The following FBXL13 variants were observed in gnomAD, a reference collection of about 807,000 sequenced individuals.
FBXL13 encodes F-box and leucine rich repeat protein 13, also known as F-box and leucine-rich repeat protein 13.
In FBXL13, 67 loss-of-function variants were observed where a neutral mutation model predicts 83.6. That is an observed-to-expected ratio of 0.80 (90% CI 0.66 to 0.98). The LOEUF is 0.98. Ranked by LOEUF, FBXL13 falls within the 50% of genes least tolerant of loss-of-function variation. FBXL13 has a pLI of 0.00. For synonymous variants in FBXL13, 272 were observed against 299.5 expected (o/e 0.91, Z 0.95); for missense variants, 822 against 866.5 (o/e 0.95, Z 0.64).
chr7:103,029,772 T>C (rs1185398759), intron 2 of FBXL13, among the ~76,000 whole-genome samples: 2 of 108,258 alleles, frequency 1.8e-5, no homozygotes, highest in Non-Finnish European at 3.8e-5. Flanking sequence ...TTCTGAATCA[T>C]TCTGAATCAA....
chr7:102,994,977 T>C (rs1231893816), intron 6 of FBXL13, among the ~76,000 whole-genome samples: 2 of 152,202 alleles, frequency 1.3e-5, no homozygotes, highest in Non-Finnish European at 2.9e-5. Context: ...TCTTGAGAGA[T>C]TGGCTCTTTC....
At chr7:102,914,083 C>G (rs1041958750) in intron 10 of FBXL13, among the ~76,000 whole-genome samples, 1 of 152,116 alleles carries the variant, frequency 6.6e-6, no homozygotes, top group African/African-American at 2.4e-5. Flanking sequence ...TTTTTTGAGA[C>G]GAAGTTTCGC....
At chr7:103,019,120 T>C (rs1343646956) in intron 6 of FBXL13, among the ~76,000 whole-genome samples, 1 of 152,162 alleles carries the variant, frequency 6.6e-6, no homozygotes, top group Non-Finnish European at 1.5e-5. Flanking sequence ...TATAACAAAC[T>C]GTCTCTCAGA....
At chr7:102,845,340 A>G (rs1047524985) in intron 17 of FBXL13, among the ~76,000 whole-genome samples, 1 of 152,190 alleles carries the variant, frequency 6.6e-6, no homozygotes, top group Non-Finnish European at 1.5e-5. Flanking sequence ...TATTAGAACA[A>G]AAGATACCTA....
At chr7:102,811,992 A>C (rs943631459), downstream of FBXL13, among the ~76,000 whole-genome samples, 1 of 152,234 alleles carries the variant, frequency 6.6e-6, no homozygotes, top group South Asian at 2.1e-4. Flanking sequence ...AAAACTTTTC[A>C]AAATAACGAT....
chr7:102,947,355 T>C (rs1205663046), intron 8 of FBXL13, among the ~76,000 whole-genome samples: 7 of 152,190 alleles, frequency 4.6e-5, no homozygotes, highest in Admixed American at 4.6e-4. Flanking sequence ...AGGGATTTTA[T>C]TGGTTGATTT....
At chr7:103,032,791 T>C (rs1015059128) in intron 2 of FBXL13, among the ~76,000 whole-genome samples, 6 of 152,330 alleles carry the variant, frequency 3.9e-5, no homozygotes, top group African/African-American at 1.4e-4. Flanking sequence ...AAACGTTGGA[T>C]GGCTGAGGTG....
At chr7:103,009,956 C>T (rs1392172994) in intron 6 of FBXL13, among the ~76,000 whole-genome samples, 1 of 152,212 alleles carries the variant, frequency 6.6e-6, no homozygotes, top group Non-Finnish European at 1.5e-5. Flanking sequence ...GCAATACCTG[C>T]TAGAGCTTGC....
chr7:102,964,426 TGA>T (rs1467869410), intron 7 of FBXL13, among the ~76,000 whole-genome samples: 4 of 148,202 alleles, frequency 2.7e-5, no homozygotes, highest in Non-Finnish European at 5.9e-5. Flanking sequence ...TTTTCCAGAC[TGA>T]GTCTCTCTCT....
chr7:102,922,627 A>G (rs1426506115), intron 10 of FBXL13, among the ~76,000 whole-genome samples: 5 of 152,194 alleles, frequency 3.3e-5, no homozygotes, highest in African/African-American at 1.2e-4. Flanking sequence ...GTTTTCATTG[A>G]CTTTTGTCAA....
At chr7:103,015,438 C>T (rs990423992) in intron 6 of FBXL13, among the ~76,000 whole-genome samples, 1 of 152,150 alleles carries the variant, frequency 6.6e-6, no homozygotes, top group South Asian at 2.1e-4. Flanking sequence ...ACCTAGAAAA[C>T]CCCACAGTCT....
chr7:103,073,715 T>A (rs1305207195), intron 1 of FBXL13, among the ~76,000 whole-genome samples: 2 of 152,156 alleles, frequency 1.3e-5, no homozygotes, highest in East Asian at 3.8e-4. Flanking sequence ...AAAGGGTACA[T>A]GTATTTAACA....
At chr7:103,047,124 G>A (rs1796357297) in intron 2 of FBXL13, 1 of 152,164 alleles carries the variant, frequency 6.6e-6, no homozygotes, top group Non-Finnish European at 1.5e-5. Context: ...TGACCCATCG[G>A]ATAGCCAAAC....
intron 16 of FBXL13, among the ~76,000 whole-genome samples, chr7:102,866,387 C>T (rs887544821): frequency 6.6e-6 from 1 of 152,052 alleles, no homozygotes; most frequent in Non-Finnish European, 1.5e-5. Context: ...CCAACATAGT[C>T]ATGTAAGGCC....
At chr7:103,021,637 G>GA (rs1005668725) in intron 6 of FBXL13, among the ~76,000 whole-genome samples, 27 of 152,248 alleles carry the variant, frequency 1.8e-4, no homozygotes, top group Admixed American at 1.4e-3. Context: ...AAATTTGCAA[G>GA]AAAAAATCAA....
chr7:102,965,651 T>G (rs1825895613), intron 7 of FBXL13, among the ~76,000 whole-genome samples: 1 of 152,248 alleles, frequency 6.6e-6, no homozygotes. Flanking sequence ...TTTGCCACAG[T>G]ACTATTTTTT....
chr7:103,014,385 C>A (rs1563219259), intron 6 of FBXL13, among the ~76,000 whole-genome samples: 1 of 151,840 alleles, frequency 6.6e-6, no homozygotes, highest in Non-Finnish European at 1.5e-5. Context: ...TAATAAAAGC[C>A]TACCAAACAG....
intron 8 of FBXL13, among the ~76,000 whole-genome samples, chr7:102,940,827 TAA>T (rs1393698234): frequency 3.9e-5 from 6 of 152,264 alleles, no homozygotes; most frequent in Admixed American, 3.9e-4. Flanking sequence ...ATAACATATA[TAA>T]CACAAGTGCT....
At chr7:102,963,535 A>T (rs1298395244) in exon 8 of FBXL13, 3 of 1,610,944 alleles carry the variant, frequency 1.9e-6, no homozygotes, top group African/African-American at 2.7e-5. Flanking sequence ...ATACTTACTG[A>T]CAGATCTGAA....
Sources: allele counts gnomAD v4.1 joint callset (sites outside exome capture counted in the v4.1 genomes callset), GRCh38; gene constraint gnomAD v4.1.1; transcripts MANE v1.5; gene names NCBI Gene and HGNC (gene_info 2026-07-23, HGNC 2026-07-21).